Variants in TLE5 observed in about 807,000 individuals in gnomAD.
The protein encoded by TLE5 is TLE family member 5, transcriptional modulator, also known as TLE family member 5.
A neutral mutation model predicts 25.8 loss-of-function variants in TLE5; 7 were observed. The observed-to-expected ratio is 0.27, with a 90% CI of 0.15 to 0.51. The LOEUF (loss-of-function observed/expected upper bound fraction) is 0.51. Among genes scored for constraint, TLE5 ranks in the 20% least tolerant of loss-of-function variants. The pLI is 0.97. For missense variants in TLE5, 149 were observed against 250.7 expected (o/e 0.59, Z 2.74); for synonymous variants, 132 against 110.5 (o/e 1.20, Z -1.22).
Position 3,061,174 on chromosome 19 carries a change from T to A in TLE5, c.111A>T (p.Gln37His). Residue 37 changes from glutamine to histidine, a missense_variant, in exon 2 of 7, where the codon CAA becomes CAT. Transcript: ENST00000327141. ...CCCCAGCTCACCTGTGGTACTGAGC[T>A]TGCAGTAGCTGAAATTCGTCTTTGA... is the stretch of plus-strand genomic sequence containing the variant. ...DRIKDEFQLL[Q>H]AQYHSLKLEC... 6.2e-7 allele frequency: 1 copy of A among 1,613,310 alleles called. No homozygotes were observed. The highest frequency in any genetic ancestry group is 8.5e-7 in the Non-Finnish European group (1 of 1,179,378).
At chr19:3,057,965 C>T (rs1020960864) in intron 2 of TLE5, among the ~76,000 whole-genome samples, 4 of 152,110 alleles carry the variant, frequency 2.6e-5, no homozygotes, top group South Asian at 4.1e-4. Flanking sequence ...AGCAATCCTC[C>T]TTCCTCGGCC....
chr19:3,062,297 A>G lies in TLE5; in HGVS notation c.-97T>C. 1.0e-6 allele frequency: 1 copy of G among 984,408 alleles called. No individual in the cohort carries two copies. Among genetic ancestry groups the G allele is most frequent in the Non-Finnish European group, 1.2e-6 (1 of 831,624 alleles). 61.0% of individuals were successfully genotyped at this position (984,408 alleles called of 1,614,324 possible). A position where few individuals can be genotyped will look rare whatever the true frequency, so the allele number is the denominator to read the frequency against. On this transcript the variant is annotated 5_prime_UTR_variant, in exon 1 of 7. Transcript: ENST00000327141. ...CGGCCGCGCCTTTGTCCCGGCGCCGATCGGCAGCTCCCGGGGCCGCCGCCG... is the reference window on the plus strand; with the variant it reads ...CGGCCGCGCCTTTGTCCCGGCGCCGGTCGGCAGCTCCCGGGGCCGCCGCCG...
chr19:3,061,680 G>A (rs1455441253), intron 1 of TLE5, among the ~76,000 whole-genome samples: 1 of 151,346 alleles, frequency 6.6e-6, no homozygotes, highest in African/African-American at 2.4e-5. Context: ...CTCTCTCTCG[G>A]TGCTCGAAAT....
chr19:3,062,285 G>C lies in TLE5; in HGVS notation c.-85C>G. The C allele has an allele frequency of 3.0e-6, 3 of 999,426 alleles. No homozygotes were observed. The highest frequency in any genetic ancestry group is 3.6e-6 in the Non-Finnish European group (3 of 840,364). The allele number at this position is 999,426 out of a possible 1,614,324, so 61.9% of individuals were successfully genotyped here. A position where few individuals can be genotyped will look rare whatever the true frequency, so the allele number is the denominator to read the frequency against. ...GGGGGCGCCGGGCGGCCGCGCCTTT[G>C]TCCCGGCGCCGATCGGCAGCTCCCG... On this transcript the variant is annotated 5_prime_UTR_variant, in exon 1 of 7. Transcript: ENST00000327141.
At chr19:3,054,086 T>TCGGGGGGCCCCCCCCCCC in intron 6 of TLE5, 34 bp downstream of exon 6, 1 of 1,512,818 alleles carries the variant, frequency 6.6e-7, no homozygotes, top group Non-Finnish European at 8.9e-7. Flanking sequence ...GGCCCACCTG[T>TCGGGGGGCCCCCCCCCCC]CCCCCGCCCA....
intron 5 of TLE5, 62 bp from the exon 6 acceptor site, chr19:3,054,256 G>A: frequency 1.3e-6 from 2 of 1,537,734 alleles, no homozygotes; most frequent in Non-Finnish European, 1.8e-6. Flanking sequence ...AGAGGAGAGG[G>A]GGACGGCCCT....
At chr19:3,057,559 A>G (rs2090230119) in intron 3 of TLE5, 120 bp downstream of exon 3, 1 of 954,276 alleles carries the variant, frequency 1.0e-6, no homozygotes, top group South Asian at 1.4e-5. Context: ...ACAGGCCCCG[A>G]TCCTCGCGCT....
At chr19:3,060,137 A>G (rs1436239089) in intron 2 of TLE5, among the ~76,000 whole-genome samples, 1 of 151,874 alleles carries the variant, frequency 6.6e-6, no homozygotes, top group Non-Finnish European at 1.5e-5. Context: ...CGGGGGTTTG[A>G]GCATAGCCTG....
At chr19:3,054,070 G>C (rs1267748782) in intron 6 of TLE5, 30 bp from the exon 7 acceptor site, 2 of 1,563,728 alleles carry the variant, frequency 1.3e-6, no homozygotes, top group Admixed American at 3.8e-5. Flanking sequence ...AACATTAGCT[G>C]CCTGGGGCCC....
intron 2 of TLE5, among the ~76,000 whole-genome samples, chr19:3,059,129 G>T (rs1256484784): frequency 6.6e-6 from 1 of 152,186 alleles, no homozygotes; most frequent in Non-Finnish European, 1.5e-5. Context: ...CCGGAGAAGA[G>T]TGTGCCGGGT....
chr19:3,056,434 GAGTGGC>G (rs1253818027), intron 3 of TLE5, 78 bp from the exon 4 acceptor site: 1 of 588,554 alleles, frequency 1.7e-6, no homozygotes, highest in African/African-American at 2.0e-5. Flanking sequence ...AGAGATAGGG[GAGTGGC>G]AGAGACAGAC....
At chr19:3,055,747 C>T (rs767981387) in intron 4 of TLE5, 21 bp from the exon 5 acceptor site, 28 of 1,596,518 alleles carry the variant, frequency 1.8e-5, no homozygotes, top group South Asian at 2.3e-5. Flanking sequence ...CAGATGAAGC[C>T]GGCTTCAGTC....
rs550843052 is a variant in TLE5, at chr19:3,058,139, A to G, written c.126-397T>C. On this transcript the variant is annotated intron_variant, in intron 2 of 6. Transcript: ENST00000327141. The stretch of plus-strand genomic sequence containing the variant: ...GGAGGGGAGAGCATCAGGGCCCCTG[A>G]CTGTAAGAAGGGGGTGATGAAACCA... 6.6e-5 allele frequency among the ~76,000 whole-genome samples: 10 copies of G among 152,094 alleles called. No homozygotes were observed. The East Asian group carries it at 1.9e-3, about 29-fold the overall frequency.
upstream of TLE5, chr19:3,062,595 T>C (rs1411723566): frequency 2.0e-6 from 2 of 998,676 alleles, no homozygotes; most frequent in Non-Finnish European, 1.2e-6. Flanking sequence ...CGGGGAGGCC[T>C]GCGGATCCCC....
At chr19:3,057,585 C>T in intron 3 of TLE5, 94 bp downstream of exon 3, 3 of 1,257,820 alleles carry the variant, frequency 2.4e-6, no homozygotes, top group East Asian at 2.3e-5. Context: ...GGGGAGGTGG[C>T]CGGGGTTGAG....
intron 4 of TLE5, chr19:3,055,997 C>T: frequency 1.9e-6 from 1 of 514,008 alleles, no homozygotes; most frequent in Non-Finnish European, 3.4e-6. Flanking sequence ...GGGGGTCGGC[C>T]ACTCAGGCCC....
intron 2 of TLE5, 84 bp downstream of exon 2, chr19:3,061,076 C>T: frequency 1.0e-6 from 1 of 1,000,384 alleles, no homozygotes; most frequent in Non-Finnish European, 1.6e-6. Context: ...TCCCAATCTC[C>T]AGGCCTCAGC....
chr19:3,056,893 C>T (rs2090224144), intron 3 of TLE5: 2 of 203,806 alleles, frequency 9.8e-6, no homozygotes, highest in African/African-American at 4.8e-5. Flanking sequence ...AAGTTCATTC[C>T]CAGGCCTTCA....
chr19:3,062,210 G>A lies in TLE5; in HGVS notation c.-10C>T, dbSNP rs1188245661. 20 of 1,134,762 alleles carry A rather than the reference G, an allele frequency of 1.8e-5. No homozygotes were observed. The South Asian group carries it at 7.7e-4, about 43-fold the overall frequency. The allele number at this position is 1,134,762 out of a possible 1,614,324, so 70.3% of individuals were successfully genotyped here. ...TTTGTGGAAACATCATGTCAATCGC[G>A]GCGGGGGGCGCGGGCTGCGCCCCGG... is the stretch of plus-strand genomic sequence containing the variant. On this transcript the variant is annotated 5_prime_UTR_variant, in exon 1 of 7. Transcript: ENST00000327141.
Sources: allele counts gnomAD v4.1 joint callset (sites outside exome capture counted in the v4.1 genomes callset), GRCh38; gene constraint gnomAD v4.1.1; transcripts MANE v1.5; gene names NCBI Gene and HGNC (gene_info 2026-07-23, HGNC 2026-07-21).